NFAM1: variants seen among roughly 807,000 people sequenced by gnomAD.
NFAM1 encodes the protein NFAT activating protein with ITAM motif 1.
NFAM1 carries 17 observed loss-of-function variants against 29.0 expected under a neutral mutation model. The observed-to-expected ratio is 0.59, with a 90% confidence interval of 0.40 to 0.88. NFAM1 has a LOEUF of 0.88. Ranked by LOEUF, NFAM1 falls within the 40% of genes least tolerant of loss-of-function variation. NFAM1 has a pLI of 0.00. For synonymous variants in NFAM1, 175 were observed against 147.2 expected (o/e 1.19, Z -1.36); for missense variants, 324 against 344.6 (o/e 0.94, Z 0.47).
chr22:42,423,935 G>C (rs1218831179), intron 1 of NFAM1, among the ~76,000 whole-genome samples: 2 of 152,014 alleles, frequency 1.3e-5, no homozygotes, highest in African/African-American at 4.8e-5. Context: ...GGCCAGGCTG[G>C]TCTTGAACTC....
At chr22:42,426,709 A>G (rs578050328) in intron 1 of NFAM1, among the ~76,000 whole-genome samples, 2 of 152,276 alleles carry the variant, frequency 1.3e-5, no homozygotes, top group South Asian at 2.1e-4. Context: ...CTTGGCCTGC[A>G]AGGACCTGAG....
At chr22:42,426,987 G>T (rs1265264549) in intron 1 of NFAM1, among the ~76,000 whole-genome samples, 3 of 152,132 alleles carry the variant, frequency 2.0e-5, no homozygotes, top group Non-Finnish European at 4.4e-5. Flanking sequence ...AGGCGGGGGG[G>T]CTCGTGGAGG....
chr22:42,401,638 G>A (rs1375628125), intron 3 of NFAM1, among the ~76,000 whole-genome samples: 1 of 152,150 alleles, frequency 6.6e-6, no homozygotes, highest in African/African-American at 2.4e-5. Flanking sequence ...TGCCCACTGA[G>A]CGCTCTGTCC....
intron 1 of NFAM1, 31 bp from the exon 2 acceptor site, chr22:42,411,767 G>A: frequency 6.6e-7 from 1 of 1,511,702 alleles, no homozygotes; most frequent in Non-Finnish European, 9.2e-7. Flanking sequence ...GAGAGCAACA[G>A]GTCACTTGAG....
intron 3 of NFAM1, among the ~76,000 whole-genome samples, chr22:42,400,600 A>G (rs1168051548): frequency 6.6e-6 from 1 of 152,204 alleles, no homozygotes; most frequent in African/African-American, 2.4e-5. Flanking sequence ...CTGGGCAAAA[A>G]GAGTGAGACT....
At chr22:42,391,159 G>A (rs1190604340) in intron 4 of NFAM1, among the ~76,000 whole-genome samples, 1 of 152,186 alleles carries the variant, frequency 6.6e-6, no homozygotes, top group Non-Finnish European at 1.5e-5. Flanking sequence ...CTGCTCCGCG[G>A]AGGGGCTGCT....
chr22:42,383,758 C>T lies in NFAM1; in HGVS notation c.*1403G>A, dbSNP rs1929039168. 1 of 152,764 alleles carries T rather than the reference C, an allele frequency of 6.5e-6. No individual in the cohort carries two copies. Among genetic ancestry groups the T allele is most frequent in the South Asian group, 2.1e-4 (1 of 4,836 alleles). 9.5% of individuals were successfully genotyped at this position (152,764 alleles called of 1,614,324 possible). On this transcript the variant is annotated 3_prime_UTR_variant, in exon 6 of 6. Transcript: ENST00000329021. ...CCTGTGCCTTGGGTTCCCCCCCCTCCCTGGGCACATTTGGGGTTGGGGCAG... is the reference window on the plus strand; with the variant it reads ...CCTGTGCCTTGGGTTCCCCCCCCTCTCTGGGCACATTTGGGGTTGGGGCAG...
chr22:42,436,004 G>A (rs1426597005), upstream of NFAM1, among the ~76,000 whole-genome samples: 2 of 151,830 alleles, frequency 1.3e-5, no homozygotes, highest in Non-Finnish European at 2.9e-5. Flanking sequence ...ATTTTTAGTA[G>A]AGATAGGGTT....
At chr22:42,430,229 C>G (rs1930751490) in intron 1 of NFAM1, among the ~76,000 whole-genome samples, 1 of 151,748 alleles carries the variant, frequency 6.6e-6, no homozygotes, top group Non-Finnish European at 1.5e-5. Context: ...CACCACTGCA[C>G]TCCAGCCTGG....
At chr22:42,390,339 G>C (rs1229082120) in intron 4 of NFAM1, among the ~76,000 whole-genome samples, 1 of 152,112 alleles carries the variant, frequency 6.6e-6, no homozygotes, top group African/African-American at 2.4e-5. Flanking sequence ...CTGTGTGCTG[G>C]GTGCCAGGAG....
At chr22:42,431,280 C>A (rs752797987) in intron 1 of NFAM1, among the ~76,000 whole-genome samples, 3 of 152,132 alleles carry the variant, frequency 2.0e-5, no homozygotes, top group Non-Finnish European at 4.4e-5. Context: ...GTGGCCAGTA[C>A]GTGCCCTGCT....
rs371632659 is a variant in NFAM1 at position 42,387,027 on chromosome 22, C to T, written c.715G>A (p.Gly239Ser). ...CTCTGCTTGGCGGTGGGTGAGCTGCCATCCTCATTCTCGATGCAGGCATAG... is the reference window on the plus strand; with the variant it reads ...CTCTGCTTGGCGGTGGGTGAGCTGCTATCCTCATTCTCGATGCAGGCATAG... The part of the protein sequence containing the change: ...EVYACIENED[G>S]SSPTAKQSPL... Residue 239 changes from glycine (G) to serine (S), a missense_variant, in exon 5 of 6, where the codon GGC (glycine) becomes AGC (serine). Physicochemically the swap from Gly to Ser is moderately conservative, Grantham distance 56. Transcript: ENST00000329021. 6.3e-7 allele frequency: 1 copy of T among 1,585,294 alleles called. No homozygotes were observed.
At chr22:42,392,321 G>C (rs557644225) in intron 4 of NFAM1, among the ~76,000 whole-genome samples, 3 of 152,128 alleles carry the variant, frequency 2.0e-5, no homozygotes, top group Non-Finnish European at 4.4e-5. Flanking sequence ...AGGAGGGAGA[G>C]CTCAAGGGTG....
rs1432115693 is a variant in NFAM1 at position 42,432,308 on chromosome 22, G to A, written c.50C>T (p.Pro17Leu). 6 of 1,575,732 alleles carry A rather than the reference G, an allele frequency of 3.8e-6. No individual in the cohort carries two copies. Among genetic ancestry groups the A allele is most frequent in the African/African-American group, 1.4e-5 (1 of 74,050 alleles). ...CCAGGGGGCTGCGGGGAGCCCAGGA[G>A]GGCGTGGGAGGCCTGGCAGGGCCCG... ...RWRALPGLPRPPGLPAAPWLL... is the reference protein window; with the variant it reads ...RWRALPGLPRLPGLPAAPWLL... The change falls in exon 1 of 6, where the codon CCT becomes CTT. Residue 17 changes from proline (P) to leucine (L), a missense_variant. Coordinates refer to ENST00000329021, the MANE Select transcript of NFAM1 (RefSeq NM_145912.8).
At chr22:42,392,191 G>A (rs1162976006) in intron 4 of NFAM1, among the ~76,000 whole-genome samples, 3 of 151,850 alleles carry the variant, frequency 2.0e-5, no homozygotes, top group African/African-American at 4.8e-5. Flanking sequence ...ACAGTTCAGG[G>A]TTCCACTGGT....
At chr22:42,405,092 T>C (rs905749196) in intron 3 of NFAM1, among the ~76,000 whole-genome samples, 25 of 152,082 alleles carry the variant, frequency 1.6e-4, no homozygotes, top group Admixed American at 1.6e-3. Flanking sequence ...CAGGAGTCAC[T>C]GAGGCCATCC....
At chr22:42,430,556 C>CAAAAAAAA (rs10684230) in intron 1 of NFAM1, among the ~76,000 whole-genome samples, 1 of 73,002 alleles carries the variant, frequency 1.4e-5, no homozygotes, top group African/African-American at 5.5e-5. Context: ...GTGAAACTCT[C>CAAAAAAAA]AAAAAAAAAA....
intron 4 of NFAM1, among the ~76,000 whole-genome samples, chr22:42,394,361 T>C (rs552154483): frequency 2.6e-5 from 4 of 152,034 alleles, no homozygotes; most frequent in African/African-American, 9.6e-5. Context: ...TTGATCCTTA[T>C]TAATTTAAAA....
rs1322756138 is a variant in NFAM1 at position 42,382,472 on chromosome 22, C to T, written c.*2689G>A. 6.6e-6 allele frequency: 1 copy of T among 152,072 alleles called. No individual in the cohort carries two copies. Among genetic ancestry groups the T allele is most frequent in the African/African-American group, 2.4e-5 (1 of 41,378 alleles). 9.4% of individuals were successfully genotyped at this position (152,072 alleles called of 1,614,324 possible). A position where few individuals can be genotyped will look rare whatever the true frequency, so the allele number is the denominator to read the frequency against. On this transcript the variant is annotated 3_prime_UTR_variant, in exon 6 of 6. Coordinates refer to ENST00000329021, the MANE Select transcript of NFAM1 (RefSeq NM_145912.8). Reference sequence around the variant, plus strand: ...AAGGGAGGCCCTGAGGCCACCCAGCCTGGGTGGGTCTCAAAAGCAATTTTC... The same window carrying T: ...AAGGGAGGCCCTGAGGCCACCCAGCTTGGGTGGGTCTCAAAAGCAATTTTC...
Sources: gnomAD v4.1 joint callset for allele counts (sites outside exome capture counted in the v4.1 genomes callset) on GRCh38, gnomAD v4.1.1 for gene constraint, MANE v1.5 for transcripts, NCBI Gene and HGNC (gene_info 2026-07-23, HGNC 2026-07-21) for gene names.